The following FAM83G variants were observed in gnomAD, a reference collection of about 807,000 sequenced individuals.
FAM83G encodes protein FAM83G.
In FAM83G, 38 loss-of-function variants were observed where a neutral mutation model predicts 61.5. That is an observed-to-expected ratio of 0.62 (90% CI 0.48 to 0.81). The LOEUF (loss-of-function observed/expected upper bound fraction) is 0.81, where lower values mean the gene tolerates loss of function less well. FAM83G is among the 30% of genes least tolerant of loss of function. The pLI is 0.00. For missense variants in FAM83G, 989 were observed against 1,133.6 expected (o/e 0.87, Z 1.83); for synonymous variants, 470 against 476.1 (o/e 0.99, Z 0.17).
At chr17:19,002,763 G>A (rs560853201) in intron 2 of FAM83G, among the ~76,000 whole-genome samples, 3 of 152,288 alleles carry the variant, frequency 2.0e-5, no homozygotes, top group Non-Finnish European at 2.9e-5. Context: ...AATGTGTGAC[G>A]GTGTGTCAGC....
At chr17:18,974,686 A>G (rs2042936390) in intron 5 of FAM83G, among the ~76,000 whole-genome samples, 2 of 152,206 alleles carry the variant, frequency 1.3e-5, no homozygotes, top group African/African-American at 4.8e-5. Flanking sequence ...GAGAACTCAC[A>G]TTCACCGGAG....
intron 2 of FAM83G, among the ~76,000 whole-genome samples, chr17:19,002,425 C>T (rs1015357525): frequency 1.6e-4 from 24 of 152,222 alleles, no homozygotes; most frequent in African/African-American, 3.4e-4. Context: ...TCTCTGCCCA[C>T]GAACTTCCCC....
chr17:18,987,433 T>A (rs1165344220), intron 3 of FAM83G, among the ~76,000 whole-genome samples: 1 of 152,208 alleles, frequency 6.6e-6, no homozygotes, highest in Non-Finnish European at 1.5e-5. Flanking sequence ...CGCACGCTCA[T>A]CTGCTCTCAG....
At chr17:18,977,185 G>A (rs1406611166) in intron 5 of FAM83G, 23 of 716,246 alleles carry the variant, frequency 3.2e-5, no homozygotes, top group Non-Finnish European at 2.9e-5. Context: ...GGTCTGGACA[G>A]GTATCACTTA....
chr17:18,994,519 G>C (rs1005987350), intron 2 of FAM83G, among the ~76,000 whole-genome samples: 3 of 152,216 alleles, frequency 2.0e-5, no homozygotes, highest in Non-Finnish European at 4.4e-5. Context: ...ACGAACGTGA[G>C]GAAACTACTG....
At chr17:18,976,955 C>T (rs2472715) in intron 5 of FAM83G, 12 of 1,613,110 alleles carry the variant, frequency 7.4e-6, no homozygotes. Context: ...GCCTGATCAT[C>T]ATGCCGGGCA....
In FAM83G at chr17:18,980,190, C is replaced by T. The variant is rs143084400; in HGVS notation, c.691-517G>A. 8.5e-5 allele frequency among the ~76,000 whole-genome samples: 13 copies of T among 152,276 alleles called. No homozygotes were observed. In the East Asian group the frequency reaches 2.3e-3, roughly 27 times the overall value. On this transcript the variant is annotated intron_variant, in intron 3 of 5. Transcript: ENST00000388995. ...GCCCTCCAGGGTGCGTGGCCCTACC[C>T]GGCCTCTCCCCTGTGCTTCTCAACA... is the stretch of plus-strand genomic sequence containing the variant.
At position 18,970,950 on chromosome 17, in the gene FAM83G, G is replaced by A. The variant is rs1056620697; in HGVS notation, c.*409C>T. On this transcript the variant is annotated 3_prime_UTR_variant, in exon 6 of 6. Transcript: ENST00000388995. Reference sequence around the variant, plus strand: ...TTTCTTGTGAGATGAAGGCAGGGGGGAGCCCAGGGAGTCAGGGCCCCGCAA... The same window carrying A: ...TTTCTTGTGAGATGAAGGCAGGGGGAAGCCCAGGGAGTCAGGGCCCCGCAA... The A allele has an allele frequency of 9.3e-6, 14 of 1,505,778 alleles. No homozygotes were observed. Among genetic ancestry groups the A allele is most frequent in the African/African-American group, 2.8e-5 (2 of 72,688 alleles). The allele number at this position is 1,505,778 out of a possible 1,614,324, so 93.3% of individuals were successfully genotyped here. A position where few individuals can be genotyped will look rare whatever the true frequency, so the allele number is the denominator to read the frequency against.
At chr17:18,986,804 C>A (rs1304052326) in intron 3 of FAM83G, among the ~76,000 whole-genome samples, 1 of 152,228 alleles carries the variant, frequency 6.6e-6, no homozygotes, top group Admixed American at 6.5e-5. Flanking sequence ...CTGGTGGGGC[C>A]CCACTGGGGT....
chr17:18,989,057 C>T (rs1272507998), intron 2 of FAM83G, among the ~76,000 whole-genome samples: 1 of 152,220 alleles, frequency 6.6e-6, no homozygotes, highest in African/African-American at 2.4e-5. Flanking sequence ...ACACCTAGTC[C>T]CCTCCCTGTC....
intron 2 of FAM83G, among the ~76,000 whole-genome samples, chr17:18,993,397 T>C (rs1380412275): frequency 1.3e-5 from 2 of 152,188 alleles, no homozygotes; most frequent in Non-Finnish European, 2.9e-5. Flanking sequence ...GGCACAGCAA[T>C]GGAGTCTCCC....
intron 2 of FAM83G, among the ~76,000 whole-genome samples, chr17:18,992,567 C>T (rs995853312): frequency 6.6e-6 from 1 of 152,328 alleles, no homozygotes; most frequent in East Asian, 1.9e-4. Flanking sequence ...GGAGCACAGG[C>T]GTGGGCCTCC....
intron 3 of FAM83G, 72 bp downstream of exon 3, chr17:18,988,175 C>T: frequency 6.4e-7 from 1 of 1,563,336 alleles, no homozygotes. Context: ...CAGGCAGGTA[C>T]TCGAAGTGTT....
At chr17:18,980,772 C>T (rs757834110) in intron 3 of FAM83G, among the ~76,000 whole-genome samples, 32 of 152,188 alleles carry the variant, frequency 2.1e-4, no homozygotes, top group Non-Finnish European at 4.0e-4. Context: ...CTCATCTGGC[C>T]CCTGTCTAGG....
intron 2 of FAM83G, among the ~76,000 whole-genome samples, chr17:19,001,320 C>T (rs976333886): frequency 2.6e-5 from 4 of 152,168 alleles, no homozygotes; most frequent in African/African-American, 9.7e-5. Context: ...CTTCTCTGTG[C>T]CTCAGTATCC....
rs1182605629 is a variant in FAM83G at position 18,971,893 on chromosome 17, T to G, written c.2083-145A>C. The G allele has an allele frequency of 3.7e-6, 3 of 812,574 alleles. No homozygotes were observed. The allele number at this position is 812,574 out of a possible 1,614,324, so 50.3% of individuals were successfully genotyped here. On this transcript the variant is annotated intron_variant, in intron 5 of 5. Coordinates refer to ENST00000388995, the MANE Select transcript of FAM83G (RefSeq NM_001039999.3). This position sits in a 1 kb window ranked among gnomAD's most constrained non-coding sequence, Gnocchi z 5.5. ...TCACCAGGGAGTGGGCCTAGACCAG[T>G]TGGTTTAGTCACTCGATGCCTCAGT...
chr17:18,978,220 G>A lies in FAM83G; in HGVS notation c.1446C>T (p.Ala482=), dbSNP rs377011653. The part of the protein sequence containing the change: ...PEPCPPPEPS[A]PQDGVPAENG... ...TCTCAGCTGGGACACCGTCCTGGGG[G>A]GCACTGGGCTCTGGGGGAGGGCAAG... Residue 482 remains alanine (A), a synonymous_variant, in exon 5 of 6, where the codon GCC becomes GCT. Coordinates refer to ENST00000388995, the MANE Select transcript of FAM83G (RefSeq NM_001039999.3). 9.1e-4 allele frequency: 1,441 copies of A among 1,578,870 alleles called. 27 individuals are homozygous for A. The South Asian group carries it at 0.016, about 17-fold the overall frequency.
chr17:18,994,734 C>T (rs1381720422), intron 2 of FAM83G, among the ~76,000 whole-genome samples: 1 of 152,170 alleles, frequency 6.6e-6, no homozygotes, highest in Non-Finnish European at 1.5e-5. Flanking sequence ...AAGTCCTAGA[C>T]CAGGCATAAG....
chr17:18,978,881 C>T, intron 4 of FAM83G, 31 bp from the exon 5 acceptor site: 1 of 1,605,234 alleles, frequency 6.2e-7, no homozygotes, highest in Non-Finnish European at 8.5e-7. Flanking sequence ...GCTGGTCAGG[C>T]ACATGACCCT....
Sources: allele counts gnomAD v4.1 joint callset (sites outside exome capture counted in the v4.1 genomes callset), GRCh38; gene constraint gnomAD v4.1.1; non-coding constraint Gnocchi (gnomAD v3.1); transcripts MANE v1.5; gene names NCBI Gene and HGNC (gene_info 2026-07-23, HGNC 2026-07-21).